Variants in PDZD2 observed in about 807,000 individuals in gnomAD.
The protein encoded by PDZD2 is PDZ domain-containing protein 2.
PDZD2 carries 90 observed loss-of-function variants against 220.7 expected under a neutral mutation model. The observed-to-expected ratio is 0.41, with a 90% CI of 0.34 to 0.49. PDZD2 has a LOEUF of 0.49. PDZD2 is among the 20% of genes least tolerant of loss of function. The pLI is 0.28. For synonymous variants in PDZD2, 1,375 were observed against 1,450.5 expected, an observed-to-expected ratio of 0.95 and a Z score of 1.18; for missense variants, 3,174 against 3,608.5, an observed-to-expected ratio of 0.88 and a Z score of 3.08.
intron 2 of PDZD2, chr5:31,936,481 G>C (rs1303239698): frequency 1.3e-5 from 4 of 312,140 alleles, no homozygotes; most frequent in African/African-American, 2.3e-5. Flanking sequence ...GACTCAGCTT[G>C]AATTGTGCTG....
At chr5:31,976,327 A>C (rs1294652206) in intron 2 of PDZD2, among the ~76,000 whole-genome samples, 1 of 152,212 alleles carries the variant, frequency 6.6e-6, no homozygotes, top group African/African-American at 2.4e-5. Flanking sequence ...TGAGTTAATT[A>C]GGCTTAGCAG....
chr5:31,908,900 G>T, intron 2 of PDZD2: 3 of 401,756 alleles, frequency 7.5e-6, no homozygotes, highest in South Asian at 6.4e-5. Flanking sequence ...CAGAAAATTA[G>T]CTGGCTGTGG....
At chr5:31,862,246 A>G (rs947708240) in intron 2 of PDZD2, among the ~76,000 whole-genome samples, 4 of 151,978 alleles carry the variant, frequency 2.6e-5, no homozygotes, top group African/African-American at 9.6e-5. Flanking sequence ...CTGAGACTAC[A>G]GGTGTGCTCC....
At chr5:31,891,855 A>G (rs563904440) in intron 2 of PDZD2, among the ~76,000 whole-genome samples, 19 of 152,278 alleles carry the variant, frequency 1.2e-4, no homozygotes, top group African/African-American at 4.6e-4. Context: ...CAAAGGGTTA[A>G]TGAGATAGTT....
intron 2 of PDZD2, among the ~76,000 whole-genome samples, chr5:31,850,243 T>TACACACAC (rs1554082942): frequency 2.5e-5 from 3 of 122,232 alleles, no homozygotes; most frequent in African/African-American, 6.0e-5. Context: ...TATATATATA[T>TACACACAC]ACACACACAC....
intron 2 of PDZD2, among the ~76,000 whole-genome samples, chr5:31,873,533 T>A (rs546333763): frequency 4.2e-4 from 61 of 144,082 alleles, no homozygotes; most frequent in South Asian, 2.5e-3. Context: ...TGAAAATTCT[T>A]TTTATTTATT....
In PDZD2 at chr5:32,089,515, AGAG is replaced by A. The variant is rs747757487; in HGVS notation, c.6068_6070del (p.Arg2023_Ala2024delinsThr). ...AACCACCCCTAAATCTCCTAAGTGT[AGAG>A]CAGAGGGCAGGGCGCCCCGTGCTGA... On this transcript the variant is annotated inframe_deletion, in exon 20 of 25. Coordinates refer to ENST00000438447, the MANE Select transcript of PDZD2 (RefSeq NM_178140.4). 1 of 1,612,850 alleles carries A rather than the reference AGAG, an allele frequency of 6.2e-7. No homozygotes were observed. The highest frequency in any genetic ancestry group is 8.5e-7 in the Non-Finnish European group (1 of 1,180,008).
intron 2 of PDZD2, among the ~76,000 whole-genome samples, chr5:31,898,739 G>A (rs1430161514): frequency 2.0e-5 from 3 of 151,630 alleles, no homozygotes; most frequent in Non-Finnish European, 4.4e-5. Context: ...TCAAATATGT[G>A]GGAACTCACC....
chr5:32,108,061 G>T lies in PDZD2; in HGVS notation c.8446G>T (p.Ala2816Ser). The part of the protein sequence containing the change: ...KPLVGLMHFD[A>S]WNIMKSVPEG... ...TCTGGTTGGGCTCATGCACTTTGAT[G>T]CCTGGAATATTATGAAGTCTGTCCC... Residue 2816 changes from alanine to serine, a missense_variant, in exon 25 of 25, where the codon GCC becomes TCC. By Grantham distance (99) the Ala-to-Ser change is moderately conservative (BLOSUM62 1). Coordinates refer to ENST00000438447, the MANE Select transcript of PDZD2 (RefSeq NM_178140.4). 6.2e-7 allele frequency: 1 copy of T among 1,610,500 alleles called. No homozygotes were observed. The highest frequency in any genetic ancestry group is 8.5e-7 in the Non-Finnish European group (1 of 1,176,736).
chr5:31,765,596 C>G (rs1751951750), intron 1 of PDZD2, among the ~76,000 whole-genome samples: 1 of 152,122 alleles, frequency 6.6e-6, no homozygotes, highest in Admixed American at 6.5e-5. Flanking sequence ...AGCTGTGTAG[C>G]CTGAGCTGAA....
intron 1 of PDZD2, among the ~76,000 whole-genome samples, chr5:31,698,914 A>T (rs1371876402): frequency 6.6e-6 from 1 of 152,174 alleles, no homozygotes; most frequent in Non-Finnish European, 1.5e-5. Flanking sequence ...CAGGGCTGGA[A>T]TGGCAGGCAG....
rs183943636 is a variant in PDZD2 at position 31,863,972 on chromosome 5, T to A, written c.476+64248T>A. 4.3e-4 allele frequency among the ~76,000 whole-genome samples: 65 copies of A among 152,324 alleles called. 1 individual carries two copies. Among genetic ancestry groups the A allele is most frequent in the African/African-American group, 1.5e-3 (63 of 41,576 alleles). ...ACAGTTGTGTATGTGTTGTCATTTC[T>A]TCCCCCGCCCCCAATTCATTCTCTT... On this transcript the variant is annotated intron_variant, in intron 2 of 24. Coordinates refer to ENST00000438447, the MANE Select transcript of PDZD2 (RefSeq NM_178140.4).
intron 2 of PDZD2, among the ~76,000 whole-genome samples, chr5:31,831,714 C>T (rs2150270031): frequency 6.6e-6 from 1 of 150,532 alleles, no homozygotes; most frequent in African/African-American, 2.4e-5. Context: ...CGCCACTGCA[C>T]TCCAGCTTGG....
intron 6 of PDZD2, among the ~76,000 whole-genome samples, chr5:32,025,590 G>GTTTTT (rs1754582025): frequency 3.0e-5 from 2 of 67,656 alleles, no homozygotes; most frequent in Non-Finnish European, 5.2e-5. Flanking sequence ...TAACCATGAT[G>GTTTTT]CTTTTTTTTT....
intron 1 of PDZD2, among the ~76,000 whole-genome samples, chr5:31,772,056 T>C (rs1202504178): frequency 6.6e-6 from 1 of 152,150 alleles, no homozygotes; most frequent in African/African-American, 2.4e-5. Context: ...GCATGATGGA[T>C]ATAGTGAGTT....
chr5:31,936,504 G>A (rs1314396922), intron 2 of PDZD2, among the ~76,000 whole-genome samples: 2 of 151,698 alleles, frequency 1.3e-5, no homozygotes, highest in Non-Finnish European at 2.9e-5. Context: ...ATCTGCCCAA[G>A]CAAGAGTTCT....
intron 21 of PDZD2, among the ~76,000 whole-genome samples, chr5:32,095,197 T>C (rs1365841145): frequency 6.6e-6 from 1 of 152,140 alleles, no homozygotes; most frequent in African/African-American, 2.4e-5. Flanking sequence ...TGCCCGAGGG[T>C]GGCTTATTCT....
chr5:31,854,947 C>G (rs376003613), intron 2 of PDZD2: 521 of 984,570 alleles, frequency 5.3e-4, no homozygotes, highest in South Asian at 4.1e-3. Flanking sequence ...CTGGAGCCGG[C>G]GGAGAGCAGC....
At chr5:32,096,478 C>T (rs746565573) in intron 21 of PDZD2, among the ~76,000 whole-genome samples, 14 of 152,108 alleles carry the variant, frequency 9.2e-5, no homozygotes, top group Admixed American at 4.6e-4. Flanking sequence ...CCACCACGCC[C>T]GGCTAATTTT....
Sources: gnomAD v4.1 joint callset for allele counts (sites outside exome capture counted in the v4.1 genomes callset) on GRCh38, gnomAD v4.1.1 for gene constraint, MANE v1.5 for transcripts, NCBI Gene and HGNC (gene_info 2026-07-23, HGNC 2026-07-21) for gene names.